Variants in GPHN observed in about 807,000 individuals in gnomAD.
GPHN encodes the protein gephyrin.
A neutral mutation model predicts 95.5 loss-of-function variants in GPHN; 17 were observed. The ratio of observed to expected loss-of-function variants is 0.18; its 90% CI spans 0.12 to 0.27. The LOEUF (loss-of-function observed/expected upper bound fraction) is 0.27, where lower values mean the gene tolerates loss of function less well. GPHN is among the 10% of genes least tolerant of loss of function. GPHN has a pLI of 1.00. For synonymous variants in GPHN, 320 were observed against 322.5 expected, an observed-to-expected ratio of 0.99 and a Z score of 0.08; for missense variants, 660 against 978.1, an observed-to-expected ratio of 0.67 and a Z score of 4.34.
chr14:66,878,998 A>G (rs761408239), intron 4 of GPHN, among the ~76,000 whole-genome samples: 6 of 152,184 alleles, frequency 3.9e-5, no homozygotes, highest in Non-Finnish European at 4.4e-5. Flanking sequence ...AAAATTTGGC[A>G]CATATACACC....
intron 6 of GPHN, among the ~76,000 whole-genome samples, chr14:66,916,552 C>G (rs535606755): frequency 2.6e-4 from 37 of 145,000 alleles, no homozygotes; most frequent in Non-Finnish European, 4.2e-4. Context: ...TATATTTTGC[C>G]CATGTGAATG....
intron 1 of GPHN, among the ~76,000 whole-genome samples, chr14:66,580,258 A>G (rs2061100167): frequency 6.6e-6 from 1 of 151,844 alleles, no homozygotes; most frequent in Non-Finnish European, 1.5e-5. Flanking sequence ...GCCTACACAT[A>G]AAAGAAGAAA....
chr14:67,498,109 A>C, the GPHN span, among the ~76,000 whole-genome samples: 1 of 152,132 alleles, frequency 6.6e-6, no homozygotes, highest in Non-Finnish European at 1.5e-5. Flanking sequence ...CCTCTGTAAG[A>C]CCAAGAATGT....
chr14:67,626,934 A>T, the GPHN span, among the ~76,000 whole-genome samples: 2 of 152,224 alleles, frequency 1.3e-5, no homozygotes, highest in Non-Finnish European at 2.9e-5. Flanking sequence ...GGATGAACCT[A>T]GAAAACATGC....
At chr14:66,569,606 T>C (rs961560392) in intron 1 of GPHN, among the ~76,000 whole-genome samples, 47 of 151,804 alleles carry the variant, frequency 3.1e-4, no homozygotes, top group African/African-American at 1.1e-3. Context: ...GAGGTTGCAG[T>C]GAGCCAAGAT....
the GPHN span, among the ~76,000 whole-genome samples, chr14:67,239,491 T>C: frequency 1.3e-5 from 2 of 152,200 alleles, no homozygotes; most frequent in East Asian, 1.9e-4. Context: ...TGAGAAATTA[T>C]AAGCTAGAGA....
chr14:67,375,280 GTGTC>G, the GPHN span, among the ~76,000 whole-genome samples: 6 of 133,310 alleles, frequency 4.5e-5, no homozygotes, highest in South Asian at 1.2e-3. Flanking sequence ...GTGTGTGTGT[GTGTC>G]ACAAAGTCTT....
chr14:67,513,712 GTCC>G, the GPHN span, among the ~76,000 whole-genome samples: 93 of 152,276 alleles, frequency 6.1e-4, no homozygotes, highest in African/African-American at 2.1e-3. Context: ...AGGCGGGAGA[GTCC>G]TCCACCAGTC....
intron 5 of GPHN, among the ~76,000 whole-genome samples, chr14:66,888,041 T>A (rs975061662): frequency 1.3e-5 from 2 of 152,124 alleles, no homozygotes; most frequent in African/African-American, 4.8e-5. Context: ...TCTCACTGCA[T>A]ACCTCCAAAA....
the GPHN span, chr14:67,196,848 C>T: frequency 1.3e-5 from 2 of 152,250 alleles, no homozygotes; most frequent in African/African-American, 2.4e-5. Context: ...AGAACTCTAA[C>T]TCTTTCTGAG....
chr14:66,937,449 C>T (rs2067189376), intron 8 of GPHN, among the ~76,000 whole-genome samples: 1 of 151,596 alleles, frequency 6.6e-6, no homozygotes, highest in Non-Finnish European at 1.5e-5. Context: ...GGCACAATCT[C>T]AGCTCACTGC....
At chr14:67,713,326 A>G in the GPHN span, among the ~76,000 whole-genome samples, 1 of 150,944 alleles carries the variant, frequency 6.6e-6, no homozygotes, top group Non-Finnish European at 1.5e-5. Context: ...AACTCCATAA[A>G]GGAGTTACCT....
At chr14:66,932,308 G>C (rs998652608) in intron 8 of GPHN, among the ~76,000 whole-genome samples, 2 of 152,024 alleles carry the variant, frequency 1.3e-5, no homozygotes, top group African/African-American at 4.8e-5. Context: ...CTGGTACTGT[G>C]TTGGGTCACT....
the GPHN span, among the ~76,000 whole-genome samples, chr14:67,309,009 A>T: frequency 3.8e-4 from 57 of 148,830 alleles, no homozygotes; most frequent in African/African-American, 1.3e-3. Flanking sequence ...AGATATTAAA[A>T]AAAGGAAAAA....
chr14:66,641,369 T>A (rs759527197), intron 1 of GPHN, among the ~76,000 whole-genome samples: 2 of 152,208 alleles, frequency 1.3e-5, no homozygotes, highest in Non-Finnish European at 2.9e-5. Flanking sequence ...ATGAAATGTA[T>A]TTTTGACTTA....
the GPHN span, chr14:67,279,445 A>T: frequency 6.2e-7 from 1 of 1,613,356 alleles, no homozygotes; most frequent in Non-Finnish European, 8.5e-7. Context: ...AAACTAGCCC[A>T]AATTCCTCCA....
At chr14:67,354,589 T>C in the GPHN span, among the ~76,000 whole-genome samples, 2 of 152,256 alleles carry the variant, frequency 1.3e-5, no homozygotes, top group Admixed American at 6.5e-5. Flanking sequence ...AGTTCACCTA[T>C]GATGGAATGA....
chr14:67,516,641 G>A, the GPHN span, among the ~76,000 whole-genome samples: 14 of 152,238 alleles, frequency 9.2e-5, no homozygotes, highest in African/African-American at 3.4e-4. Context: ...ATTGTCTGAT[G>A]GGGCCGTAGG....
chr14:66,678,659 A>G (rs2066755769), intron 1 of GPHN, among the ~76,000 whole-genome samples: 1 of 152,008 alleles, frequency 6.6e-6, no homozygotes, highest in Non-Finnish European at 1.5e-5. Context: ...TGTGTCTTGC[A>G]TCCCTACATT....
Sources: gnomAD v4.1 joint callset for allele counts (sites outside exome capture counted in the v4.1 genomes callset) on GRCh38, gnomAD v4.1.1 for gene constraint, MANE v1.5 for transcripts, NCBI Gene and HGNC (gene_info 2026-07-23, HGNC 2026-07-21) for gene names.